The following DDA1 variants were observed in gnomAD, a reference collection of about 807,000 sequenced individuals.
DDA1 encodes the protein DET1 and DDB1 associated 1, also known as DET1- and DDB1-associated protein 1.
DDA1 carries 3 observed loss-of-function variants against 18.6 expected under a neutral mutation model. That is an observed-to-expected ratio of 0.16 (90% CI 0.07 to 0.42). DDA1 has a LOEUF of 0.42. Among genes scored for constraint, DDA1 ranks in the 10% least tolerant of loss-of-function variants. The probability of loss-of-function intolerance (pLI) is 0.99; values close to 1 mark genes in which losing one functional copy is unlikely to be tolerated. For synonymous variants in DDA1, 52 were observed against 54.0 expected (o/e 0.96, Z 0.17); for missense variants, 105 against 138.2 (o/e 0.76, Z 1.20).
At chr19:17,316,396 A>G (rs1011403677) in intron 4 of DDA1, among the ~76,000 whole-genome samples, 4 of 151,858 alleles carry the variant, frequency 2.6e-5, no homozygotes, top group African/African-American at 7.3e-5. Flanking sequence ...CGTGGCCAAC[A>G]TGGGGAAATC....
intron 1 of DDA1, 57 bp downstream of exon 1, chr19:17,309,714 T>C (rs2074169443): frequency 3.7e-5 from 59 of 1,595,118 alleles, no homozygotes; most frequent in Non-Finnish European, 5.0e-5. Flanking sequence ...GGCGCTGTGG[T>C]CCCACCCACC....
rs2074231424 is a variant in DDA1, at chr19:17,319,832, T to A, written c.*176T>A. ...GTATTTATTTTCCTTGAGTTTTTAT[T>A]TATGCTGTAACCTGTATCAAGCGTT... On this transcript the variant is annotated 3_prime_UTR_variant, in exon 5 of 5. Transcript: ENST00000359866. 4 of 595,354 alleles carry A rather than the reference T, an allele frequency of 6.7e-6. No homozygotes were observed. Among genetic ancestry groups the A allele is most frequent in the Non-Finnish European group, 1.2e-5 (4 of 335,540 alleles). 36.9% of individuals were successfully genotyped at this position (595,354 alleles called of 1,614,324 possible).
At chr19:17,316,054 C>T in intron 4 of DDA1, 59 bp downstream of exon 4, 2 of 1,574,804 alleles carry the variant, frequency 1.3e-6, no homozygotes, top group African/African-American at 2.7e-5. Context: ...GGGCACCTGG[C>T]AGGGGCTTCT....
intron 4 of DDA1, 28 bp from the exon 5 acceptor site, chr19:17,319,518 C>T (rs893808526): frequency 1.9e-6 from 3 of 1,546,344 alleles, no homozygotes; most frequent in Admixed American, 2.0e-5. Flanking sequence ...AAAAGACTCA[C>T]AGCCCCTCTC....
In DDA1 at chr19:17,319,609, C is replaced by G; in HGVS notation, c.262C>G (p.Arg88Gly). The G allele has an allele frequency of 6.3e-7, 1 of 1,579,328 alleles. No individual in the cohort carries two copies. The highest frequency in any genetic ancestry group is 8.6e-7 in the Non-Finnish European group (1 of 1,162,756). Residue 88 changes from arginine to glycine, a missense_variant, in exon 5 of 5, where the codon CGC becomes GGC. This residue lies in a region of DDA1 where 62 missense variants were observed against 55.8 expected (regional missense o/e 1.11). Transcript: ENST00000359866. ...ELEGESSAPP[R>G]KVARTDSPDM... Reference sequence around the variant, plus strand: ...GGAAGGCGAGAGCTCCGCACCTCCCCGCAAGGTGGCGCGGACCGACAGCCC... The same window carrying G: ...GGAAGGCGAGAGCTCCGCACCTCCCGGCAAGGTGGCGCGGACCGACAGCCC...
Position 17,314,435 on chromosome 19 carries a change from G to T in DDA1, c.136+46G>T, listed in dbSNP as rs754070645. The T allele has an allele frequency of 1.2e-6, 2 of 1,613,098 alleles. No individual in the cohort carries two copies. The highest frequency in any genetic ancestry group is 1.7e-6 in the Non-Finnish European group (2 of 1,179,124). On this transcript the variant is annotated intron_variant, in intron 3 of 4. Transcript: ENST00000359866. This position sits in a 1 kb window ranked among gnomAD's most constrained non-coding sequence, Gnocchi z 4.6. Reference sequence around the variant, plus strand: ...TGTCCCATTCTGGCTGCTGAGGGGCGGGGTTTGGTGACTGCAGCGTGGCAC... The same window carrying T: ...TGTCCCATTCTGGCTGCTGAGGGGCTGGGTTTGGTGACTGCAGCGTGGCAC...
At chr19:17,319,496 G>C (rs772488395) in intron 4 of DDA1, 50 bp from the exon 5 acceptor site, 4 of 1,497,202 alleles carry the variant, frequency 2.7e-6, no homozygotes, top group African/African-American at 1.4e-5. Context: ...GAAGGTTGAG[G>C]CTGTCCGAAA....
In DDA1 at chr19:17,323,152, G is replaced by T. The variant is rs933939461; in HGVS notation, c.*3496G>T. ...GCCTGTACCAGGATGGGGGGAGGGG[G>T]TTCCCAACCTAGGCCCCAGCCACCC... On this transcript the variant is annotated 3_prime_UTR_variant, in exon 5 of 5. Coordinates refer to ENST00000359866, the MANE Select transcript of DDA1 (RefSeq NM_024050.6). 1.9e-5 allele frequency: 3 copies of T among 154,012 alleles called. No individual in the cohort carries two copies. The highest frequency in any genetic ancestry group is 3.8e-4 in the East Asian group (2 of 5,326). The allele number at this position is 154,012 out of a possible 1,614,324, so 9.5% of individuals were successfully genotyped here.
At chr19:17,316,284 A>G (rs2145676165) in intron 4 of DDA1, among the ~76,000 whole-genome samples, 1 of 152,342 alleles carries the variant, frequency 6.6e-6, no homozygotes, top group Admixed American at 6.5e-5. Context: ...TATGAACTAG[A>G]TAGAATATTT....
intron 1 of DDA1, among the ~76,000 whole-genome samples, chr19:17,311,840 G>A (rs971693): frequency 2.0e-5 from 3 of 152,068 alleles, no homozygotes; most frequent in South Asian, 4.1e-4. Context: ...TGTCCAGTGC[G>A]TGTCTGCTGA....
At chr19:17,315,432 A>G (rs1451623759) in intron 3 of DDA1, among the ~76,000 whole-genome samples, 4,166 of 60,948 alleles carry the variant, frequency 0.068, 190 homozygotes, top group Non-Finnish European at 0.11. Context: ...GTGTGTGCAT[A>G]TATATATATA....
Position 17,314,370 on chromosome 19 carries a change from C to T in DDA1, c.117C>T (p.Arg39=), listed in dbSNP as rs746928434. The change falls in exon 3 of 5, where the codon CGC becomes CGT. Residue 39 remains arginine, a synonymous_variant. Transcript: ENST00000359866. The surrounding 1 kb of genome is among the most constrained non-coding windows in gnomAD (Gnocchi z 4.6). ...GGCCCTCAGTCTACCTGCCTACCCGCGAGTACCCGTCTGAACAGAGTAAGT... is the reference window on the plus strand; with the variant it reads ...GGCCCTCAGTCTACCTGCCTACCCGTGAGTACCCGTCTGAACAGAGTAAGT... ...NRRPSVYLPT[R]EYPSEQIIVT... 8.1e-6 allele frequency: 13 copies of T among 1,614,124 alleles called. No individual in the cohort carries two copies. Among genetic ancestry groups the T allele is most frequent in the African/African-American group, 2.7e-5 (2 of 74,950 alleles).
intron 4 of DDA1, 84 bp downstream of exon 4, chr19:17,316,079 C>G: frequency 6.8e-7 from 1 of 1,478,672 alleles, no homozygotes; most frequent in Non-Finnish European, 9.5e-7. Context: ...ACAGGAAGGA[C>G]TCTAGTGATT....
chr19:17,313,184 T>C (rs1056579833), intron 1 of DDA1, among the ~76,000 whole-genome samples: 2 of 152,076 alleles, frequency 1.3e-5, no homozygotes, highest in Non-Finnish European at 2.9e-5. Context: ...GGAGCTTGGC[T>C]TCTGAGGTGG....
In DDA1 at chr19:17,319,577, T is replaced by A. The variant is rs769887008; in HGVS notation, c.230T>A (p.Val77Glu). ...NAAKKRDQEQ[V>E]ELEGESSAPP... ...GCCAAGAAGAGAGACCAGGAGCAAG[T>A]GGAGCTGGAAGGCGAGAGCTCCGCA... The change falls in exon 5 of 5, where the codon GTG (valine) becomes GAG (glutamate). Residue 77 changes from valine (V) to glutamate (E), a missense_variant. By Grantham distance (121) the Val-to-Glu change is moderately radical (BLOSUM62 -2). This residue lies in a region of DDA1 where 62 missense variants were observed against 55.8 expected (regional missense o/e 1.11). Transcript: ENST00000359866. 1.1e-5 allele frequency: 18 copies of A among 1,575,982 alleles called. No homozygotes were observed. The highest frequency in any genetic ancestry group is 1.5e-5 in the Non-Finnish European group (17 of 1,160,872).
rs1344027363 is a variant in DDA1, at chr19:17,315,197, G to A, written c.137-737G>A. Among the ~76,000 whole-genome samples the A allele has an allele frequency of 1.1e-3, 19 of 16,862 alleles. 5 individuals are homozygous for A. Among genetic ancestry groups the A allele is most frequent in the African/African-American group, 4.8e-3 (7 of 1,446 alleles). 11.1% of individuals were successfully genotyped at this position (16,862 alleles called of 152,430 possible). ...TACACACACGTGTATACACACACGT[G>A]TATACACACGTGTATATACACACAC... is the stretch of plus-strand genomic sequence containing the variant. On this transcript the variant is annotated intron_variant, in intron 3 of 4. Transcript: ENST00000359866.
chr19:17,319,120 G>A (rs1241542558), intron 4 of DDA1, among the ~76,000 whole-genome samples: 1 of 152,196 alleles, frequency 6.6e-6, no homozygotes, highest in East Asian at 1.9e-4. Flanking sequence ...CCAGCCCTGT[G>A]TGGGTCATTG....
At chr19:17,312,902 G>T (rs2074185560) in intron 1 of DDA1, among the ~76,000 whole-genome samples, 1 of 146,698 alleles carries the variant, frequency 6.8e-6, no homozygotes, top group African/African-American at 2.5e-5. Flanking sequence ...AGGTCATCCA[G>T]ATGTGACGGC....
chr19:17,317,522 A>G (rs953762954), intron 4 of DDA1, among the ~76,000 whole-genome samples: 4 of 151,724 alleles, frequency 2.6e-5, no homozygotes, highest in African/African-American at 9.7e-5. Context: ...ATCTCAAAAA[A>G]AGAAAAAAAG....
Sources: allele counts gnomAD v4.1 joint callset (sites outside exome capture counted in the v4.1 genomes callset), GRCh38; gene constraint gnomAD v4.1.1; regional missense constraint gnomAD v4.1.1; non-coding constraint Gnocchi (gnomAD v3.1); transcripts MANE v1.5; gene names NCBI Gene and HGNC (gene_info 2026-07-23, HGNC 2026-07-21).